The following LIN9 variants were observed in gnomAD, a reference collection of about 807,000 sequenced individuals.
The protein encoded by LIN9 is lin-9 DREAM MuvB core complex component.
LIN9 carries 18 observed loss-of-function variants against 78.0 expected under a neutral mutation model. That is an observed-to-expected ratio of 0.23 (90% CI 0.16 to 0.34). The LOEUF is 0.34. Among genes scored for constraint, LIN9 ranks in the 10% least tolerant of loss-of-function variants. The pLI, the probability that LIN9 is intolerant of heterozygous loss-of-function variation, is 1.00. For synonymous variants in LIN9, 192 were observed against 215.2 expected, an observed-to-expected ratio of 0.89 and a Z score of 0.94; for missense variants, 451 against 644.1, an observed-to-expected ratio of 0.70 and a Z score of 3.25.
Position 226,305,328 on chromosome 1 carries a change from A to C in LIN9, c.31+3781T>G, listed in dbSNP as rs931821502. 8.7e-5 allele frequency among the ~76,000 whole-genome samples: 13 copies of C among 149,930 alleles called. No homozygotes were observed. The East Asian group carries it at 9.7e-4, about 11-fold the overall frequency. ...CTACAAAAAAAAGAAAAAAAAAAAAAAAAAAAAAAAAAACCTTAGTTGGGC... is the reference window on the plus strand; with the variant it reads ...CTACAAAAAAAAGAAAAAAAAAAAACAAAAAAAAAAAAACCTTAGTTGGGC... On this transcript the variant is annotated intron_variant, in intron 1 of 14. Coordinates refer to ENST00000681046, the MANE Select transcript of LIN9 (RefSeq NM_001366245.2).
intron 5 of LIN9, 51 bp downstream of exon 5, chr1:226,287,613 A>C (rs769009768): frequency 2.3e-5 from 31 of 1,348,100 alleles, no homozygotes; most frequent in Non-Finnish European, 2.0e-6. Flanking sequence ...CACTTGAAAA[A>C]CTTAAATTTC....
chr1:226,303,372 G>A (rs893996711), intron 1 of LIN9, among the ~76,000 whole-genome samples: 1 of 152,036 alleles, frequency 6.6e-6, no homozygotes, highest in Non-Finnish European at 1.5e-5. Context: ...AAGCACTCTG[G>A]AAAAAATAAA....
At chr1:226,234,125 G>C (rs1399868942) in intron 12 of LIN9, among the ~76,000 whole-genome samples, 1 of 152,174 alleles carries the variant, frequency 6.6e-6, no homozygotes, top group Non-Finnish European at 1.5e-5. Flanking sequence ...CAATTGGTAA[G>C]TTAAGTGTCT....
intron 10 of LIN9, among the ~76,000 whole-genome samples, chr1:226,258,894 CAAAAAAAAAAAAAAAAA>C (rs770169450): frequency 3.7e-4 from 20 of 54,778 alleles, no homozygotes; most frequent in African/African-American, 1.3e-3. Flanking sequence ...TCTGTCTCAA[CAAAAAAAAAAAAAAAAA>C]AAAAAAAAAA....
intron 1 of LIN9, among the ~76,000 whole-genome samples, chr1:226,305,574 T>A (rs985047693): frequency 3.1e-5 from 4 of 127,294 alleles, no homozygotes; most frequent in Admixed American, 2.8e-4. Context: ...AAGCATAAAA[T>A]GGGATCTAAA....
chr1:226,303,369 C>T (rs1662684160), intron 1 of LIN9, among the ~76,000 whole-genome samples: 1 of 151,922 alleles, frequency 6.6e-6, no homozygotes, highest in Admixed American at 6.6e-5. Context: ...GATAAGCACT[C>T]TGGAAAAAAT....
chr1:226,286,536 A>G, intron 5 of LIN9, 78 bp from the exon 6 acceptor site: 2 of 1,092,460 alleles, frequency 1.8e-6, no homozygotes, highest in African/African-American at 3.2e-5. Flanking sequence ...ACAAAATGCT[A>G]AACTTTCACT....
At chr1:226,270,081 C>A (rs186751239) in intron 7 of LIN9, among the ~76,000 whole-genome samples, 2 of 152,072 alleles carry the variant, frequency 1.3e-5, no homozygotes, top group East Asian at 3.9e-4. Flanking sequence ...CGCCACCACA[C>A]CCGGCTAATT....
intron 6 of LIN9, among the ~76,000 whole-genome samples, chr1:226,282,192 A>G (rs1363146335): frequency 6.6e-6 from 1 of 152,146 alleles, no homozygotes; most frequent in Non-Finnish European, 1.5e-5. Flanking sequence ...AAATGGTTTC[A>G]GGGTTTTCTA....
chr1:226,304,641 G>A (rs1390438230), intron 1 of LIN9, among the ~76,000 whole-genome samples: 1 of 152,168 alleles, frequency 6.6e-6, no homozygotes, highest in African/African-American at 2.4e-5. Context: ...AAAACTAGCT[G>A]TGAGAGAGCA....
intron 8 of LIN9, among the ~76,000 whole-genome samples, chr1:226,266,962 T>C (rs1558178145): frequency 2.0e-5 from 3 of 151,948 alleles, no homozygotes; most frequent in South Asian, 2.1e-4. Context: ...GTATTTTTAG[T>C]AGAGATGGGG....
intron 2 of LIN9, among the ~76,000 whole-genome samples, chr1:226,298,599 G>A (rs1021568277): frequency 6.6e-6 from 1 of 152,248 alleles, no homozygotes; most frequent in Admixed American, 6.5e-5. Context: ...AATGGCTCAT[G>A]CCTATAATTC....
chr1:226,239,209 T>C, intron 11 of LIN9, 113 bp from the exon 12 acceptor site: 1 of 1,046,592 alleles, frequency 9.6e-7, no homozygotes, highest in African/African-American at 1.6e-5. Context: ...GGTTATTAAA[T>C]TTGTCTGTTT....
chr1:226,304,723 T>C (rs956444863), intron 1 of LIN9, among the ~76,000 whole-genome samples: 4 of 152,068 alleles, frequency 2.6e-5, no homozygotes, highest in Admixed American at 6.5e-5. Context: ...GTGACTGTGC[T>C]TGCATAGGGA....
intron 6 of LIN9, among the ~76,000 whole-genome samples, chr1:226,279,737 T>C (rs1576332403): frequency 8.9e-6 from 1 of 112,866 alleles, no homozygotes; most frequent in Non-Finnish European, 1.7e-5. Context: ...ATTGCACCAC[T>C]CCAGCCTGGG....
intron 4 of LIN9, among the ~76,000 whole-genome samples, chr1:226,293,938 T>C (rs1438204339): frequency 1.3e-5 from 2 of 152,224 alleles, no homozygotes; most frequent in Admixed American, 6.5e-5. Flanking sequence ...TATTTTCCTG[T>C]TTAAAATTAT....
intron 11 of LIN9, among the ~76,000 whole-genome samples, chr1:226,245,513 T>C (rs1360392315): frequency 6.6e-6 from 1 of 151,926 alleles, no homozygotes; most frequent in Admixed American, 6.6e-5. Flanking sequence ...GCCTCAAACT[T>C]CTGGGCTCAA....
intron 1 of LIN9, among the ~76,000 whole-genome samples, chr1:226,305,326 A>G (rs890100388): frequency 6.7e-6 from 1 of 149,424 alleles, no homozygotes; most frequent in Non-Finnish European, 1.5e-5. Flanking sequence ...AAAAAAAAAA[A>G]AAAAAAAAAA....
chr1:226,249,607 C>A lies in LIN9; in HGVS notation c.1119+1232G>T, dbSNP rs115627580. 2.3e-3 allele frequency among the ~76,000 whole-genome samples: 356 copies of A among 152,234 alleles called. 4 individuals carry two copies. The highest frequency in any genetic ancestry group is 8.3e-3 in the African/African-American group (345 of 41,538). ...ATACCTAACTGTATCCACACCTATA[C>A]CCTTATAACATTTCATTCCAGAGAT... On this transcript the variant is annotated intron_variant, in intron 11 of 14. Coordinates refer to ENST00000681046, the MANE Select transcript of LIN9 (RefSeq NM_001366245.2).
Sources: gnomAD v4.1 joint callset for allele counts (sites outside exome capture counted in the v4.1 genomes callset) on GRCh38, gnomAD v4.1.1 for gene constraint, MANE v1.5 for transcripts, NCBI Gene and HGNC (gene_info 2026-07-23, HGNC 2026-07-21) for gene names.